The following ASH1L variants were observed in gnomAD, a reference collection of about 807,000 sequenced individuals.
ASH1L encodes ASH1 like histone lysine methyltransferase.
A neutral mutation model predicts 269.0 loss-of-function variants in ASH1L; 23 were observed. The observed-to-expected ratio is 0.09, with a 90% confidence interval of 0.06 to 0.12. ASH1L has a LOEUF of 0.12. Among genes scored for constraint, ASH1L ranks in the 10% least tolerant of loss-of-function variants. ASH1L has a pLI of 1.00. For missense variants in ASH1L, 2,912 were observed against 3,567.8 expected (o/e 0.82, Z 4.68); for synonymous variants, 1,187 against 1,253.5 (o/e 0.95, Z 1.12).
intron 4 of ASH1L, 21 bp downstream of exon 4, chr1:155,459,776 G>A (rs1483036666): frequency 6.3e-7 from 1 of 1,578,740 alleles, no homozygotes; most frequent in Non-Finnish European, 8.7e-7. Flanking sequence ...TTGAAAATCT[G>A]GTAAAACAAA....
chr1:155,338,016 A>G, intron 27 of ASH1L, 73 bp downstream of exon 27: 1 of 1,457,200 alleles, frequency 6.9e-7, no homozygotes, highest in Non-Finnish European at 9.3e-7. Flanking sequence ...TGAACCAGTA[A>G]TTACAATTTT....
chr1:155,341,642 G>A (rs987526315), intron 25 of ASH1L, among the ~76,000 whole-genome samples: 1 of 152,114 alleles, frequency 6.6e-6, no homozygotes, highest in Non-Finnish European at 1.5e-5. Context: ...TTATGGGTGT[G>A]AAAGACAAAA....
In ASH1L at chr1:155,478,140, A is replaced by G. The variant is rs761260026; in HGVS notation, c.4730T>C (p.Ile1577Thr). Residue 1577 changes from isoleucine (I) to threonine (T), a missense_variant, in exon 3 of 28, where the codon ATT becomes ACT. Ile to Thr is a moderately conservative substitution (Grantham distance 89). This residue lies in a region of ASH1L where 789 missense variants were observed against 897.6 expected (regional missense o/e 0.88). Transcript: ENST00000392403. This position sits in a 1 kb window ranked among gnomAD's most constrained non-coding sequence, Gnocchi z 4.6. The stretch of plus-strand genomic sequence containing the variant: ...GCTTGGAGAACTTTCTGAACAGTCA[A>G]TCTGTAAAGGTGTCTGCAATCCCAA... ...LALGLQTPLQ[I>T]DCSESSPSLS... The G allele has an allele frequency of 1.2e-6, 2 of 1,613,918 alleles. No homozygotes were observed. The highest frequency in any genetic ancestry group is 1.7e-5 in the Admixed American group (1 of 59,970).
At chr1:155,495,313 G>A (rs1443120330) in intron 2 of ASH1L, among the ~76,000 whole-genome samples, 1 of 152,120 alleles carries the variant, frequency 6.6e-6, no homozygotes, top group Non-Finnish European at 1.5e-5. Flanking sequence ...ATCATAGTGT[G>A]TAATTACACA....
chr1:155,370,270 A>G, intron 12 of ASH1L: 1 of 546,392 alleles, frequency 1.8e-6, no homozygotes, highest in East Asian at 3.0e-5. Flanking sequence ...CCAAACAAAA[A>G]AACCAAAAAA....
intron 2 of ASH1L, among the ~76,000 whole-genome samples, chr1:155,489,594 G>A (rs1032406508): frequency 1.3e-5 from 2 of 151,314 alleles, no homozygotes; most frequent in Admixed American, 6.6e-5. Flanking sequence ...CCGTCTTTAC[G>A]AAAAATACAA....
chr1:155,442,751 G>A (rs1558111424), intron 4 of ASH1L, among the ~76,000 whole-genome samples: 1 of 151,878 alleles, frequency 6.6e-6, no homozygotes, highest in Admixed American at 6.6e-5. Flanking sequence ...CCTAATTCTA[G>A]TAATAATAAA....
chr1:155,539,675 T>C (rs1571106270), intron 1 of ASH1L, among the ~76,000 whole-genome samples: 1 of 151,858 alleles, frequency 6.6e-6, no homozygotes, highest in South Asian at 2.1e-4. Flanking sequence ...CTCGAACTCC[T>C]GGGCTCAAAC....
chr1:155,469,991 C>G (rs1306131778), intron 3 of ASH1L, among the ~76,000 whole-genome samples: 3 of 152,144 alleles, frequency 2.0e-5, no homozygotes, highest in African/African-American at 7.2e-5. Context: ...TAACACTTAA[C>G]TAAGCACAGT....
At chr1:155,551,121 T>C (rs1227410812) in intron 1 of ASH1L, among the ~76,000 whole-genome samples, 1 of 152,070 alleles carries the variant, frequency 6.6e-6, no homozygotes, top group Admixed American at 6.6e-5. Flanking sequence ...ATGCCCAGCC[T>C]TTATTTATTT....
intron 5 of ASH1L, chr1:155,433,689 C>T (rs1261133799): frequency 1.3e-5 from 20 of 1,599,608 alleles, no homozygotes; most frequent in Non-Finnish European, 1.7e-5. Flanking sequence ...GTGGGGCTCA[C>T]CCTGGGGGTT....
intron 4 of ASH1L, among the ~76,000 whole-genome samples, chr1:155,458,952 C>CT (rs368224681): frequency 0.29 from 39,271 of 134,452 alleles, 6,619 homozygotes; most frequent in Middle Eastern, 0.41. Context: ...CATCCTCTCT[C>CT]TTTTTTTTTT....
chr1:155,452,777 G>A (rs1663582525), intron 4 of ASH1L, among the ~76,000 whole-genome samples: 1 of 151,992 alleles, frequency 6.6e-6, no homozygotes, highest in African/African-American at 2.4e-5. Flanking sequence ...GGCTGCCCTC[G>A]AACTCCTGGC....
In ASH1L at chr1:155,480,391, T is replaced by C. The variant is rs1665866413; in HGVS notation, c.2479A>G (p.Lys827Glu). ...SDLLSDIYKP[K>E]RGRPKSKEMP... ...TCCTTAGATTTAGGCCTTCCTCTTT[T>C]GGGCTTATAAATATCAGACAAAAGG... is the stretch of plus-strand genomic sequence containing the variant. Residue 827 changes from lysine to glutamate, a missense_variant, in exon 3 of 28, where the codon AAA becomes GAA. By Grantham distance (56) the Lys-to-Glu change is moderately conservative. Transcript: ENST00000392403. The C allele has an allele frequency of 2.5e-6, 4 of 1,614,082 alleles. No individual in the cohort carries two copies. The highest frequency in any genetic ancestry group is 3.4e-6 in the Non-Finnish European group (4 of 1,179,914).
intron 1 of ASH1L, among the ~76,000 whole-genome samples, chr1:155,551,470 C>T (rs1429855185): frequency 6.6e-6 from 1 of 151,024 alleles, no homozygotes; most frequent in Non-Finnish European, 1.5e-5. Context: ...ACCATCCCGG[C>T]TAAAACGGTG....
intron 1 of ASH1L, among the ~76,000 whole-genome samples, chr1:155,538,964 C>T (rs1670241946): frequency 6.6e-6 from 1 of 152,120 alleles, no homozygotes; most frequent in African/African-American, 2.4e-5. Context: ...GTCAGAGCTA[C>T]TACTAGTCAA....
chr1:155,484,459 G>C (rs1215454135), intron 2 of ASH1L, among the ~76,000 whole-genome samples: 2 of 152,278 alleles, frequency 1.3e-5, no homozygotes, highest in Non-Finnish European at 2.9e-5. Flanking sequence ...CTGCACTCTA[G>C]CCTGGGCGAA....
chr1:155,463,994 T>C (rs1664496716), intron 3 of ASH1L, among the ~76,000 whole-genome samples: 1 of 152,212 alleles, frequency 6.6e-6, no homozygotes. Flanking sequence ...TCTAATTCAC[T>C]GACTCTTCGC....
chr1:155,493,136 G>A lies in ASH1L; in HGVS notation c.421-10687C>T, dbSNP rs554481084. Among the ~76,000 whole-genome samples, 3 of 152,224 alleles carry A rather than the reference G, an allele frequency of 2.0e-5. No homozygotes were observed. The South Asian group carries it at 6.2e-4, about 32-fold the overall frequency. On this transcript the variant is annotated intron_variant, in intron 2 of 27. Transcript: ENST00000392403. ...CCAACCAAATTCACCCTTTTAAAGT[G>A]CACAATTCAGTGGGTTTTTTTTAAC...
Sources: gnomAD v4.1 joint callset for allele counts (sites outside exome capture counted in the v4.1 genomes callset) on GRCh38, gnomAD v4.1.1 for gene constraint, gnomAD v4.1.1 regional missense constraint, Gnocchi (gnomAD v3.1) non-coding constraint, MANE v1.5 for transcripts, NCBI Gene and HGNC (gene_info 2026-07-23, HGNC 2026-07-21) for gene names.